Variants in SYT1 observed in about 807,000 individuals in gnomAD.
SYT1 encodes synaptotagmin-1.
A neutral mutation model predicts 44.8 loss-of-function variants in SYT1; 8 were observed. The observed-to-expected ratio is 0.18, with a 90% confidence interval of 0.10 to 0.32. The LOEUF is 0.32. Ranked by LOEUF, SYT1 falls within the 10% of genes least tolerant of loss-of-function variation. The pLI is 1.00. For synonymous variants in SYT1, 154 were observed against 188.8 expected, an observed-to-expected ratio of 0.82 and a Z score of 1.51; for missense variants, 286 against 509.3, an observed-to-expected ratio of 0.56 and a Z score of 4.22.
At chr12:78,891,902 G>A (rs1175543640) in intron 1 of SYT1, among the ~76,000 whole-genome samples, 2 of 151,878 alleles carry the variant, frequency 1.3e-5, no homozygotes, top group African/African-American at 4.8e-5. Context: ...TGCTAGCACT[G>A]ATAAGCTCAA....
At position 79,345,437 on chromosome 12, in the gene SYT1, A is replaced by G. The variant is rs75549475; in HGVS notation, c.811-8065A>G. Reference sequence around the variant, plus strand: ...TCTAGGTATCCATAGAGCCTAGACTAGAACCTAGAAGAGTCTGTGGTGGAA... The same window carrying G: ...TCTAGGTATCCATAGAGCCTAGACTGGAACCTAGAAGAGTCTGTGGTGGAA... On this transcript the variant is annotated intron_variant, in intron 8 of 10. Coordinates refer to ENST00000261205, the MANE Select transcript of SYT1 (RefSeq NM_005639.3). Among the ~76,000 whole-genome samples the G allele has an allele frequency of 3.1e-3, 469 of 152,362 alleles. 20 individuals carry two copies. The East Asian group carries it at 0.073, about 24-fold the overall frequency.
chr12:79,011,278 G>A (rs1361230019), intron 2 of SYT1, among the ~76,000 whole-genome samples: 2 of 151,996 alleles, frequency 1.3e-5, no homozygotes, highest in African/African-American at 4.8e-5. Context: ...AGATTCTCTT[G>A]AGCATACAAT....
chr12:79,304,115 C>T (rs997716922), intron 8 of SYT1, among the ~76,000 whole-genome samples: 4 of 152,170 alleles, frequency 2.6e-5, no homozygotes, highest in Non-Finnish European at 5.9e-5. Context: ...TTTACTTGTT[C>T]ATTGTCTATC....
At chr12:79,423,760 A>G (rs1593054983) in intron 9 of SYT1, among the ~76,000 whole-genome samples, 2 of 151,804 alleles carry the variant, frequency 1.3e-5, no homozygotes, top group South Asian at 4.2e-4. Flanking sequence ...TTATTGCACA[A>G]TCCCACAGAA....
intron 3 of SYT1, among the ~76,000 whole-genome samples, chr12:79,190,144 T>G (rs1873025620): frequency 6.6e-6 from 1 of 152,164 alleles, no homozygotes; most frequent in Admixed American, 6.6e-5. Flanking sequence ...GAATCATTTT[T>G]ACAATTAATA....
intron 3 of SYT1, among the ~76,000 whole-genome samples, chr12:79,098,204 A>G (rs574103213): frequency 2.0e-5 from 3 of 152,092 alleles, no homozygotes; most frequent in African/African-American, 7.2e-5. Flanking sequence ...AGGCTCAACA[A>G]CTTGCCCAAA....
chr12:78,889,772 CTTAGAT>C (rs902351843), intron 1 of SYT1, among the ~76,000 whole-genome samples: 2 of 151,872 alleles, frequency 1.3e-5, no homozygotes, highest in African/African-American at 2.4e-5. Flanking sequence ...GCTAATTACC[CTTAGAT>C]TTAAACACTT....
At chr12:78,939,481 A>G (rs1355138556) in intron 1 of SYT1, among the ~76,000 whole-genome samples, 3 of 152,248 alleles carry the variant, frequency 2.0e-5, no homozygotes, top group Non-Finnish European at 2.9e-5. Flanking sequence ...CATTTAGGTC[A>G]TGGCTTTGGA....
At chr12:79,193,089 C>G (rs1873227356) in intron 3 of SYT1, among the ~76,000 whole-genome samples, 1 of 152,058 alleles carries the variant, frequency 6.6e-6, no homozygotes, top group Admixed American at 6.6e-5. Context: ...CCTTAACTTT[C>G]CAACAAACTT....
intron 8 of SYT1, among the ~76,000 whole-genome samples, chr12:79,333,842 C>A (rs1189223877): frequency 6.6e-6 from 1 of 152,120 alleles, no homozygotes; most frequent in Non-Finnish European, 1.5e-5. Context: ...AACAAACCAG[C>A]CAAATTCCCA....
At chr12:79,255,650 A>C (rs909562684) in intron 4 of SYT1, among the ~76,000 whole-genome samples, 4 of 152,184 alleles carry the variant, frequency 2.6e-5, no homozygotes, top group African/African-American at 9.7e-5. Context: ...TCTTAGCAAA[A>C]AGTAAGGAAG....
chr12:79,013,140 T>C (rs1047261495), intron 2 of SYT1, among the ~76,000 whole-genome samples: 11 of 152,134 alleles, frequency 7.2e-5, no homozygotes, highest in African/African-American at 2.7e-4. Flanking sequence ...TTCTATCTTG[T>C]AGAGTGCACT....
chr12:78,942,444 T>C (rs1024336501), intron 1 of SYT1, among the ~76,000 whole-genome samples: 2 of 152,160 alleles, frequency 1.3e-5, no homozygotes, highest in African/African-American at 4.8e-5. Context: ...CTCTCCATCT[T>C]TCCAATTCTC....
At position 79,306,478 on chromosome 12, in the gene SYT1, G is replaced by GT. The variant is rs1390664880; in HGVS notation, c.810+6928dup. On this transcript the variant is annotated intron_variant, in intron 8 of 10. Transcript: ENST00000261205. ...GATGATCGAATTGGGTAAAACAGTT[G>GT]TAATTACTGTGGGAAAGTGATGAGA... Among the ~76,000 whole-genome samples the GT allele has an allele frequency of 1.1e-4, 16 of 152,200 alleles. 1 individual carries two copies. The highest frequency in any genetic ancestry group is 2.9e-5 in the Non-Finnish European group (2 of 68,034).
chr12:79,284,813 T>G (rs958707881), intron 4 of SYT1, among the ~76,000 whole-genome samples: 24 of 145,408 alleles, frequency 1.7e-4, no homozygotes, highest in African/African-American at 5.9e-4. Context: ...CACTCCAGCC[T>G]GGCAAGAGAG....
chr12:79,314,539 T>A (rs1880987316), intron 8 of SYT1, among the ~76,000 whole-genome samples: 1 of 152,164 alleles, frequency 6.6e-6, no homozygotes, highest in South Asian at 2.1e-4. Context: ...ACTCAAAGTT[T>A]CAGGCTCTGC....
At chr12:78,995,323 G>T (rs898026679) in intron 2 of SYT1, among the ~76,000 whole-genome samples, 4 of 152,114 alleles carry the variant, frequency 2.6e-5, no homozygotes, top group Non-Finnish European at 5.9e-5. Flanking sequence ...TGATTCATTG[G>T]CTACCATTTA....
rs1343987343 is a variant in SYT1, at chr12:78,991,977, G to C, written c.-84+14046G>C. ...TCTGCAGCCTCAGAATGTAGATCAGGGGCCCTAGCAAGTTAAGGTCCAGGC... is the reference window on the plus strand; with the variant it reads ...TCTGCAGCCTCAGAATGTAGATCAGCGGCCCTAGCAAGTTAAGGTCCAGGC... On this transcript the variant is annotated intron_variant, in intron 2 of 10. Transcript: ENST00000261205. Among the ~76,000 whole-genome samples, 3 of 151,996 alleles carry C rather than the reference G, an allele frequency of 2.0e-5. 1 individual carries two copies. Among genetic ancestry groups the C allele is most frequent in the Admixed American group, 2.0e-4 (3 of 15,252 alleles).
intron 9 of SYT1, among the ~76,000 whole-genome samples, chr12:79,443,867 A>C (rs1323478761): frequency 6.6e-6 from 1 of 152,204 alleles, no homozygotes; most frequent in Non-Finnish European, 1.5e-5. Context: ...CATCTTCTAA[A>C]TCAAACTATA....
Sources: allele counts gnomAD v4.1 joint callset (sites outside exome capture counted in the v4.1 genomes callset), GRCh38; gene constraint gnomAD v4.1.1; transcripts MANE v1.5; gene names NCBI Gene and HGNC (gene_info 2026-07-23, HGNC 2026-07-21).